The following C11orf71 variants were observed in gnomAD, a reference collection of about 807,000 sequenced individuals.
The protein encoded by C11orf71 is uncharacterized protein C11orf71.
For missense variants in C11orf71, 179 were observed against 167.6 expected (o/e 1.07, Z -0.38); for synonymous variants, 72 against 73.4 (o/e 0.98, Z 0.09).
chr11:114,392,467 G>A (rs1395418853), intron 1 of C11orf71, among the ~76,000 whole-genome samples: 1 of 135,400 alleles, frequency 7.4e-6, no homozygotes, highest in East Asian at 2.4e-4. Flanking sequence ...GAACCCGGGA[G>A]ATGGAGGTTG....
chr11:114,391,703 G>T, intron 1 of C11orf71: 1 of 965,546 alleles, frequency 1.0e-6, no homozygotes, highest in South Asian at 2.0e-5. Flanking sequence ...AGATGGCAGG[G>T]AGTGGTGGTA....
intron 1 of C11orf71, among the ~76,000 whole-genome samples, chr11:114,392,186 C>T (rs918793559): frequency 4.0e-5 from 6 of 151,854 alleles, no homozygotes; most frequent in East Asian, 1.9e-4. Context: ...GCAGATCACT[C>T]GAGCCCAGGA....
chr11:114,394,254 T>G (rs866281628), downstream of C11orf71, among the ~76,000 whole-genome samples: 1 of 66,728 alleles, frequency 1.5e-5, no homozygotes, highest in African/African-American at 1.1e-4. Context: ...TTTCTTTTCT[T>G]TTCTTTTCTT....
downstream of C11orf71, among the ~76,000 whole-genome samples, chr11:114,395,498 TGA>T (rs1946124365): frequency 6.6e-6 from 1 of 152,230 alleles, no homozygotes; most frequent in South Asian, 2.1e-4. Flanking sequence ...GTGCAATGTA[TGA>T]GAGTTGCACT....
chr11:114,391,578 A>C, exon 2 of C11orf71: 1 of 1,525,904 alleles, frequency 6.6e-7, no homozygotes, highest in Non-Finnish European at 8.8e-7. Flanking sequence ...TATTACTAAA[A>C]TTTCAAAAAT....
In C11orf71 at chr11:114,399,480, AGGTTTT is replaced by A. The variant is rs1186600027; in HGVS notation, c.*474_*479del. ...ATAATTTGAAAGAACTGTAAGGTTTAGGTTTTGTTCTTATTTTTAGTGCGACTGAGA... is the reference window on the plus strand; with the variant it reads ...ATAATTTGAAAGAACTGTAAGGTTTAGTTCTTATTTTTAGTGCGACTGAGA... On this transcript the variant is annotated 3_prime_UTR_variant, in exon 1 of 1. Transcript: ENST00000623205. 6.5e-6 allele frequency: 1 copy of A among 153,604 alleles called. No individual in the cohort carries two copies. Among genetic ancestry groups the A allele is most frequent in the Non-Finnish European group, 1.4e-5 (1 of 69,028 alleles). 9.5% of individuals were successfully genotyped at this position (153,604 alleles called of 1,614,324 possible). A position where few individuals can be genotyped will look rare whatever the true frequency, so the allele number is the denominator to read the frequency against.
downstream of C11orf71, among the ~76,000 whole-genome samples, chr11:114,394,233 T>TTTCC (rs1565256526): frequency 2.1e-4 from 8 of 37,738 alleles, 1 homozygote; most frequent in South Asian, 7.7e-4. Context: ...CTTTTCTTTC[T>TTTCC]TTTCTTTTCT....
At chr11:114,392,548 A>AAAAAAAG (rs1461395379) in intron 1 of C11orf71, among the ~76,000 whole-genome samples, 20 of 124,830 alleles carry the variant, frequency 1.6e-4, no homozygotes, top group African/African-American at 5.3e-4. Context: ...AAAAAAAAAA[A>AAAAAAAG]AAGAAGAAGA....
chr11:114,395,032 G>A (rs34929307), downstream of C11orf71, among the ~76,000 whole-genome samples: 18,763 of 151,366 alleles, frequency 0.12, 1,561 homozygotes, highest in South Asian at 0.25. Context: ...AGGAGACATA[G>A]CCTATCCGTG....
At chr11:114,395,962 T>C (rs548159299), downstream of C11orf71, among the ~76,000 whole-genome samples, 25 of 152,330 alleles carry the variant, frequency 1.6e-4, no homozygotes, top group African/African-American at 6.0e-4. Flanking sequence ...AGTGGTGTGA[T>C]CGTAGCTCAC....
downstream of C11orf71, among the ~76,000 whole-genome samples, chr11:114,393,910 CCT>C (rs1946091128): frequency 6.6e-6 from 1 of 152,052 alleles, no homozygotes; most frequent in Non-Finnish European, 1.5e-5. Flanking sequence ...TTTGCCAATC[CCT>C]GTCATAGCAT....
chr11:114,394,279 T>TTTC (rs1252081683), downstream of C11orf71, among the ~76,000 whole-genome samples: 35 of 87,832 alleles, frequency 4.0e-4, 2 homozygotes, highest in East Asian at 1.0e-3. Flanking sequence ...TTTCTTTTCT[T>TTTC]TTCTTTTCTC....
At chr11:114,396,194 G>C (rs1006986205), downstream of C11orf71, among the ~76,000 whole-genome samples, 3 of 152,244 alleles carry the variant, frequency 2.0e-5, no homozygotes, top group Non-Finnish European at 4.4e-5. Flanking sequence ...CTGTAGAAGA[G>C]AGGCTCCCCA....
At chr11:114,392,548 A>AAAGAAGAAG (rs770233378) in intron 1 of C11orf71, among the ~76,000 whole-genome samples, 1 of 124,852 alleles carries the variant, frequency 8.0e-6, no homozygotes, top group Non-Finnish European at 1.7e-5. Context: ...AAAAAAAAAA[A>AAAGAAGAAG]AAGAAGAAGA....
chr11:114,396,724 G>A (rs1050602806), downstream of C11orf71, among the ~76,000 whole-genome samples: 5 of 152,194 alleles, frequency 3.3e-5, no homozygotes, highest in African/African-American at 1.2e-4. Context: ...AGAAAAATTG[G>A]TAAACTCTTC....
downstream of C11orf71, among the ~76,000 whole-genome samples, chr11:114,394,287 CTCTTA>C (rs1180966070): frequency 4.9e-3 from 344 of 70,882 alleles, 26 homozygotes; most frequent in Middle Eastern, 7.5e-3. Context: ...CTTTTCTTTT[CTCTTA>C]TTTTCTTTTC....
At chr11:114,394,664 T>C (rs984284669), downstream of C11orf71, among the ~76,000 whole-genome samples, 2 of 152,014 alleles carry the variant, frequency 1.3e-5, no homozygotes, top group African/African-American at 4.8e-5. Flanking sequence ...CTCCTCGGCC[T>C]CCCAAAGTGC....
downstream of C11orf71, among the ~76,000 whole-genome samples, chr11:114,394,228 C>CTTTTCTTTTCTTTTCTTTTCT: frequency 2.8e-3 from 136 of 48,676 alleles, 1 homozygote; most frequent in East Asian, 3.8e-3. Flanking sequence ...CTTTTCTTTT[C>CTTTTCTTTTCTTTTCTTTTCT]TTTCTTTTCT....
chr11:114,394,179 G>GTTTCT (rs1226365240), downstream of C11orf71, among the ~76,000 whole-genome samples: 879 of 80,178 alleles, frequency 0.011, 28 homozygotes, highest in Middle Eastern at 0.021. Context: ...ACGGGGTTTC[G>GTTTCT]TTTCTTTTCT....
Sources: gnomAD v4.1 joint callset for allele counts (sites outside exome capture counted in the v4.1 genomes callset) on GRCh38, gnomAD v4.1.1 for gene constraint, MANE v1.5 for transcripts, NCBI Gene and HGNC (gene_info 2026-07-23, HGNC 2026-07-21) for gene names.